The following ITGBL1 variants were observed in gnomAD, a reference collection of about 807,000 sequenced individuals.
The protein encoded by ITGBL1 is integrin subunit beta like 1.
Under a neutral mutation model 68.5 loss-of-function variants are expected in ITGBL1, and 51 were observed. That is an observed-to-expected ratio of 0.74 (90% confidence interval 0.59 to 0.94). The LOEUF (loss-of-function observed/expected upper bound fraction) is 0.94, where lower values mean the gene tolerates loss of function less well. Ranked by LOEUF, ITGBL1 falls within the 40% of genes least tolerant of loss-of-function variation. The pLI, the probability that ITGBL1 is intolerant of heterozygous loss-of-function variation, is 0.00. For missense variants in ITGBL1, 649 were observed against 647.4 expected, an observed-to-expected ratio of 1.00 and a Z score of -0.03; for synonymous variants, 209 against 227.3, an observed-to-expected ratio of 0.92 and a Z score of 0.72.
At chr13:101,617,670 G>A (rs937641787) in intron 7 of ITGBL1, among the ~76,000 whole-genome samples, 2 of 152,088 alleles carry the variant, frequency 1.3e-5, no homozygotes, top group Non-Finnish European at 2.9e-5. Flanking sequence ...TATAATTGAT[G>A]TTTTGCATTT....
rs1474950529 is a variant in ITGBL1, at chr13:101,452,936, G to T, written c.98+5G>T. 6.2e-6 allele frequency: 10 copies of T among 1,613,194 alleles called. No individual in the cohort carries two copies. Among genetic ancestry groups the T allele is most frequent in the Non-Finnish European group, 8.5e-6 (10 of 1,179,216 alleles). On this transcript the variant is annotated splice_donor_5th_base_variant and intron_variant, in intron 1 of 10. Transcript: ENST00000376180. The stretch of plus-strand genomic sequence containing the variant: ...AAGCTTCTCGCCATCTCTGAGGTAA[G>T]TTTGGTTTGTTATTCTTCAGTACAG...
intron 7 of ITGBL1, among the ~76,000 whole-genome samples, chr13:101,610,872 G>T (rs1038236629): frequency 2.0e-5 from 3 of 152,140 alleles, no homozygotes; most frequent in Admixed American, 6.6e-5. Flanking sequence ...TGCAAATATG[G>T]CTTCATGAAA....
intron 2 of ITGBL1, among the ~76,000 whole-genome samples, chr13:101,507,594 G>C (rs2049046881): frequency 6.6e-6 from 1 of 152,068 alleles, no homozygotes; most frequent in African/African-American, 2.4e-5. Context: ...CTTTTATGTA[G>C]TCTTTCTTGT....
chr13:101,674,164 A>C (rs751357409), intron 7 of ITGBL1, among the ~76,000 whole-genome samples: 1 of 152,244 alleles, frequency 6.6e-6, no homozygotes, highest in Non-Finnish European at 1.5e-5. Flanking sequence ...AAGCCATTGC[A>C]ACCTAATACA....
At chr13:101,578,300 G>A (rs541307474) in intron 4 of ITGBL1, among the ~76,000 whole-genome samples, 1 of 152,236 alleles carries the variant, frequency 6.6e-6, no homozygotes, top group East Asian at 1.9e-4. Context: ...CTTTTGGGGA[G>A]TTTGGCTGTA....
intron 7 of ITGBL1, among the ~76,000 whole-genome samples, chr13:101,602,565 A>T (rs990831667): frequency 6.6e-6 from 1 of 152,014 alleles, no homozygotes; most frequent in South Asian, 2.1e-4. Context: ...TTTCTTTTTT[A>T]AAAAATATAT....
At chr13:101,662,260 G>A (rs1405106030) in intron 7 of ITGBL1, among the ~76,000 whole-genome samples, 1 of 152,088 alleles carries the variant, frequency 6.6e-6, no homozygotes, top group Non-Finnish European at 1.5e-5. Context: ...TGGCAAGAAT[G>A]TTCTTGACAA....
At chr13:101,668,673 A>T (rs1482902217) in intron 7 of ITGBL1, among the ~76,000 whole-genome samples, 1 of 152,226 alleles carries the variant, frequency 6.6e-6, no homozygotes, top group Non-Finnish European at 1.5e-5. Flanking sequence ...TTTAAAATAA[A>T]TAGGTGAATA....
chr13:101,666,167 A>G (rs11843064), intron 7 of ITGBL1, among the ~76,000 whole-genome samples: 8,869 of 152,170 alleles, frequency 0.058, 900 homozygotes, highest in African/African-American at 0.2. Flanking sequence ...ATAATCTGGT[A>G]TCAAGAAATG....
chr13:101,697,843 TCTGCATTAC>T (rs1238336869), intron 8 of ITGBL1, among the ~76,000 whole-genome samples: 2 of 152,204 alleles, frequency 1.3e-5, no homozygotes, highest in East Asian at 3.8e-4. Context: ...GTAGTGGCCA[TCTGCATTAC>T]AGAACAAAAT....
chr13:101,700,221 GT>G (rs1290955415), intron 8 of ITGBL1, among the ~76,000 whole-genome samples: 3 of 152,180 alleles, frequency 2.0e-5, no homozygotes, highest in African/African-American at 7.2e-5. Flanking sequence ...AAACAGAGCT[GT>G]TTTTCTGCCC....
At chr13:101,614,936 C>A (rs555104874) in intron 7 of ITGBL1, among the ~76,000 whole-genome samples, 5 of 152,184 alleles carry the variant, frequency 3.3e-5, no homozygotes, top group African/African-American at 7.2e-5. Context: ...GGAGGTATAC[C>A]CCAACCCTGC....
chr13:101,548,451 T>G (rs1039138440), intron 2 of ITGBL1, among the ~76,000 whole-genome samples: 3 of 151,860 alleles, frequency 2.0e-5, no homozygotes, highest in Non-Finnish European at 4.4e-5. Flanking sequence ...AAAATTTATC[T>G]TAATCTATGC....
rs182254548 is a variant in ITGBL1 at position 101,462,852 on chromosome 13, C to T, written c.316+8752C>T. 5.3e-5 allele frequency among the ~76,000 whole-genome samples: 8 copies of T among 152,194 alleles called. No homozygotes were observed. In the East Asian group the frequency reaches 1.2e-3, roughly 22 times the overall value. ...CCTGCCTTGGCCTCCCAAAGTGCTGCGATTACAAGCGTGAGCCATGGCACC... is the reference window on the plus strand; with the variant it reads ...CCTGCCTTGGCCTCCCAAAGTGCTGTGATTACAAGCGTGAGCCATGGCACC... On this transcript the variant is annotated intron_variant, in intron 2 of 10. Coordinates refer to ENST00000376180, the MANE Select transcript of ITGBL1 (RefSeq NM_004791.3).
Position 101,598,299 on chromosome 13 carries a change from G to A in ITGBL1, c.1015G>A (p.Gly339Ser). The A allele has an allele frequency of 6.2e-7, 1 of 1,600,470 alleles. No homozygotes were observed. The highest frequency in any genetic ancestry group is 8.5e-7 in the Non-Finnish European group (1 of 1,174,110). Residue 339 changes from glycine (G) to serine (S), a missense_variant and splice_region_variant, in exon 7 of 11, where the codon GGT becomes AGT. Transcript: ENST00000376180. Reference protein sequence around the residue: ...GSSDLPCSGRGKCECGKCTCY... With the variant: ...GSSDLPCSGRSKCECGKCTCY... ...CTCGGATCTGCCTTGCTCTGGGAGG[G>A]GTAAGTGAGGTCTCTCAGGGCTTCC...
At chr13:101,649,540 T>C (rs2032674693) in intron 7 of ITGBL1, among the ~76,000 whole-genome samples, 1 of 152,192 alleles carries the variant, frequency 6.6e-6, no homozygotes. Context: ...GTAAGGGACC[T>C]GCGGATGATA....
In ITGBL1 at chr13:101,715,701, G is replaced by A; in HGVS notation, c.*47G>A. 7.7e-7 allele frequency: 1 copy of A among 1,293,298 alleles called. No individual in the cohort carries two copies. Among genetic ancestry groups the A allele is most frequent in the Middle Eastern group, 1.8e-4 (1 of 5,412 alleles). 80.1% of individuals were successfully genotyped at this position (1,293,298 alleles called of 1,614,324 possible). On this transcript the variant is annotated 3_prime_UTR_variant, in exon 11 of 11. Coordinates refer to ENST00000376180, the MANE Select transcript of ITGBL1 (RefSeq NM_004791.3). ...GATTCTTATTTTTTCTGGGCCATTA[G>A]AACAGATAAATGCGAAGGAAACCAT... is the stretch of plus-strand genomic sequence containing the variant.
chr13:101,604,887 T>TATGTATACACACAC, intron 7 of ITGBL1, among the ~76,000 whole-genome samples: 1 of 22,164 alleles, frequency 4.5e-5, no homozygotes, highest in Non-Finnish European at 8.2e-5. Flanking sequence ...TATATATATA[T>TATGTATACACACAC]ACACACACAC....
rs180973929 is a variant in ITGBL1, at chr13:101,528,827, A to G, written c.317-38872A>G. Among the ~76,000 whole-genome samples the G allele has an allele frequency of 5.9e-3, 897 of 152,140 alleles. 8 individuals are homozygous for G. The highest frequency in any genetic ancestry group is 7.1e-3 in the Non-Finnish European group (484 of 67,906). ...TAAAAATAAGCATAGCAAAATATTTAGGCCCAATCCCATAGTAAGATATTG... is the reference window on the plus strand; with the variant it reads ...TAAAAATAAGCATAGCAAAATATTTGGGCCCAATCCCATAGTAAGATATTG... On this transcript the variant is annotated intron_variant, in intron 2 of 10. Transcript: ENST00000376180.
Sources: gnomAD v4.1 joint callset for allele counts (sites outside exome capture counted in the v4.1 genomes callset) on GRCh38, gnomAD v4.1.1 for gene constraint, MANE v1.5 for transcripts, NCBI Gene and HGNC (gene_info 2026-07-23, HGNC 2026-07-21) for gene names.